Variants in TMEM178B observed in about 807,000 individuals in gnomAD.
TMEM178B encodes the protein transmembrane protein 178B.
Under a neutral mutation model 31.0 loss-of-function variants are expected in TMEM178B, and 5 were observed. The ratio of observed to expected loss-of-function variants is 0.16; its 90% CI spans 0.08 to 0.34. The LOEUF is 0.34. Among genes scored for constraint, TMEM178B ranks in the 10% least tolerant of loss-of-function variants. The probability of loss-of-function intolerance (pLI) is 1.00; values close to 1 mark genes in which losing one functional copy is unlikely to be tolerated. For synonymous variants in TMEM178B, 164 were observed against 164.0 expected (o/e 1.00, Z 0.00); for missense variants, 275 against 400.3 (o/e 0.69, Z 2.67).
intron 1 of TMEM178B, among the ~76,000 whole-genome samples, chr7:141,157,853 C>T (rs1338593702): frequency 6.6e-6 from 1 of 152,172 alleles, no homozygotes; most frequent in Non-Finnish European, 1.5e-5. Flanking sequence ...GTCATCTTAG[C>T]CTCCTGGAGG....
chr7:141,389,993 G>A (rs1275978649), intron 2 of TMEM178B, among the ~76,000 whole-genome samples: 2 of 152,194 alleles, frequency 1.3e-5, no homozygotes, highest in African/African-American at 4.8e-5. Flanking sequence ...CAGGCACATG[G>A]CTGGAAAATG....
At chr7:141,112,603 G>A (rs545020966) in intron 1 of TMEM178B, among the ~76,000 whole-genome samples, 1 of 152,240 alleles carries the variant, frequency 6.6e-6, no homozygotes, top group East Asian at 1.9e-4. Context: ...AATAGTCTCA[G>A]GCCAAAGTAT....
chr7:141,340,527 C>T (rs759508451), intron 2 of TMEM178B, among the ~76,000 whole-genome samples: 3 of 152,176 alleles, frequency 2.0e-5, no homozygotes, highest in Non-Finnish European at 4.4e-5. Context: ...AGTCATGCTT[C>T]TTTCAATTTT....
intron 1 of TMEM178B, among the ~76,000 whole-genome samples, chr7:141,191,469 C>T (rs987967651): frequency 2.6e-5 from 4 of 152,244 alleles, no homozygotes; most frequent in East Asian, 1.9e-4. Flanking sequence ...TACACTCCAA[C>T]GGCCACTCAC....
intron 2 of TMEM178B, among the ~76,000 whole-genome samples, chr7:141,363,401 C>A (rs1459298136): frequency 2.0e-5 from 3 of 152,210 alleles, no homozygotes; most frequent in African/African-American, 7.2e-5. Flanking sequence ...AGTGCTTCCA[C>A]ACGTGGCCTT....
intron 2 of TMEM178B, among the ~76,000 whole-genome samples, chr7:141,240,336 T>C (rs1019989861): frequency 6.6e-6 from 1 of 152,252 alleles, no homozygotes; most frequent in Admixed American, 6.5e-5. Flanking sequence ...TGAATTTGTT[T>C]TATGTGCAGT....
chr7:141,261,074 A>G (rs2116360213), intron 2 of TMEM178B, among the ~76,000 whole-genome samples: 1 of 152,334 alleles, frequency 6.6e-6, no homozygotes, highest in South Asian at 2.1e-4. Flanking sequence ...GTGAATTCTC[A>G]ATGCAGTATA....
the TMEM178B span, among the ~76,000 whole-genome samples, chr7:141,498,075 C>A: frequency 3.3e-5 from 5 of 152,344 alleles, no homozygotes; most frequent in African/African-American, 1.2e-4. Context: ...CCTCACCCTG[C>A]AATAAGTCCC....
intron 2 of TMEM178B, among the ~76,000 whole-genome samples, chr7:141,345,196 C>T (rs1268501597): frequency 6.6e-6 from 1 of 152,136 alleles, no homozygotes; most frequent in South Asian, 2.1e-4. Flanking sequence ...ACGTTTTAAC[C>T]TAACCCTAGT....
chr7:141,325,332 A>G (rs1390434475), intron 2 of TMEM178B, among the ~76,000 whole-genome samples: 1 of 152,154 alleles, frequency 6.6e-6, no homozygotes, highest in Non-Finnish European at 1.5e-5. Context: ...CCAGATTATA[A>G]AAGCATCTCG....
chr7:141,338,447 A>G (rs1799462266), intron 2 of TMEM178B, among the ~76,000 whole-genome samples: 1 of 152,206 alleles, frequency 6.6e-6, no homozygotes, highest in Admixed American at 6.5e-5. Flanking sequence ...CTGGCCAGAA[A>G]CATCTTATTA....
chr7:141,295,046 G>T (rs538164253), intron 2 of TMEM178B, among the ~76,000 whole-genome samples: 1 of 152,288 alleles, frequency 6.6e-6, no homozygotes, highest in African/African-American at 2.4e-5. Flanking sequence ...CTCAATATGG[G>T]TTTGGGATGA....
At chr7:141,455,742 A>G (rs1801951042) in intron 3 of TMEM178B, among the ~76,000 whole-genome samples, 1 of 152,264 alleles carries the variant, frequency 6.6e-6, no homozygotes, top group South Asian at 2.1e-4. Flanking sequence ...AAAGCTATGT[A>G]TGCATTCAGT....
intron 2 of TMEM178B, among the ~76,000 whole-genome samples, chr7:141,425,778 T>G (rs1860282): frequency 1.3e-5 from 2 of 152,140 alleles, no homozygotes; most frequent in Non-Finnish European, 2.9e-5. Context: ...TGGATTTGAT[T>G]TGTATATGTC....
chr7:141,414,551 C>T (rs116474943), intron 2 of TMEM178B: 32 of 152,608 alleles, frequency 2.1e-4, no homozygotes, highest in Admixed American at 6.5e-4. Flanking sequence ...GTTGGTCAGC[C>T]GATAACATTT....
intron 3 of TMEM178B, among the ~76,000 whole-genome samples, chr7:141,464,875 T>C (rs539525934): frequency 6.6e-6 from 1 of 152,252 alleles, no homozygotes; most frequent in Non-Finnish European, 1.5e-5. Context: ...TTACAGCCAG[T>C]GTGTGGAGCA....
chr7:141,102,048 G>A (rs1018939230), intron 1 of TMEM178B, among the ~76,000 whole-genome samples: 4 of 152,020 alleles, frequency 2.6e-5, no homozygotes, highest in Middle Eastern at 3.2e-3. Context: ...GAAAAACAGG[G>A]AGGCCTGTTG....
intron 2 of TMEM178B, among the ~76,000 whole-genome samples, chr7:141,256,181 A>T (rs1797924961): frequency 1.3e-5 from 2 of 152,194 alleles, no homozygotes; most frequent in Admixed American, 1.3e-4. Context: ...TTTAGCAGTA[A>T]ACAAAATAGA....
At chr7:141,143,507 G>A (rs1040571376) in intron 1 of TMEM178B, among the ~76,000 whole-genome samples, 4 of 152,078 alleles carry the variant, frequency 2.6e-5, no homozygotes, top group Non-Finnish European at 4.4e-5. Flanking sequence ...TGTTGACTTT[G>A]TCAAAGATCA....
Sources: gnomAD v4.1 joint callset for allele counts (sites outside exome capture counted in the v4.1 genomes callset) on GRCh38, gnomAD v4.1.1 for gene constraint, MANE v1.5 for transcripts, NCBI Gene and HGNC (gene_info 2026-07-23, HGNC 2026-07-21) for gene names.